TLK1: variants seen among roughly 807,000 people sequenced by gnomAD.
The protein encoded by TLK1 is tousled like kinase 1, also known as serine/threonine-protein kinase tousled-like 1.
Under a neutral mutation model 105.3 loss-of-function variants are expected in TLK1, and 24 were observed. That is an observed-to-expected ratio of 0.23 (90% CI 0.17 to 0.32). The LOEUF (loss-of-function observed/expected upper bound fraction) is 0.32. TLK1 is among the 10% of genes least tolerant of loss of function. TLK1 has a pLI of 1.00. For missense variants in TLK1, 558 were observed against 910.5 expected (o/e 0.61, Z 4.98); for synonymous variants, 321 against 310.4 (o/e 1.03, Z -0.36).
chr2:171,067,107 T>C (rs1688033074), intron 3 of TLK1: 2 of 840,198 alleles, frequency 2.4e-6, no homozygotes, highest in Non-Finnish European at 3.4e-6. Context: ...ATTATTTCTC[T>C]GGTATACATA....
chr2:171,121,151 T>C (rs1017831161), intron 1 of TLK1, among the ~76,000 whole-genome samples: 1 of 152,192 alleles, frequency 6.6e-6, no homozygotes, highest in African/African-American at 2.4e-5. Flanking sequence ...ATAGTGGTGA[T>C]GGTAGCACAG....
chr2:171,140,940 G>C (rs1293246461), intron 1 of TLK1, among the ~76,000 whole-genome samples: 1 of 152,040 alleles, frequency 6.6e-6, no homozygotes, highest in Non-Finnish European at 1.5e-5. Context: ...TGAAATTCTA[G>C]AACCAAAAAG....
intron 14 of TLK1, among the ~76,000 whole-genome samples, chr2:171,008,935 T>C (rs1559338820): frequency 1.3e-5 from 2 of 152,352 alleles, no homozygotes; most frequent in East Asian, 1.9e-4. Flanking sequence ...CAACAACTTT[T>C]AGGCCACGCT....
chr2:171,187,554 A>C (rs1158704138), intron 1 of TLK1, among the ~76,000 whole-genome samples: 1 of 152,206 alleles, frequency 6.6e-6, no homozygotes, highest in Non-Finnish European at 1.5e-5. Context: ...CCATGAGCTG[A>C]AGTGTTAGAC....
intron 4 of TLK1, among the ~76,000 whole-genome samples, chr2:171,059,711 C>A (rs1687655038): frequency 6.6e-6 from 1 of 152,136 alleles, no homozygotes; most frequent in Non-Finnish European, 1.5e-5. Context: ...GACAATTTAT[C>A]CACAGACTGC....
At chr2:171,119,303 C>G (rs1056655267) in intron 1 of TLK1, among the ~76,000 whole-genome samples, 1 of 152,082 alleles carries the variant, frequency 6.6e-6, no homozygotes, top group Non-Finnish European at 1.5e-5. Flanking sequence ...GAGGAAAAAC[C>G]AAAGCAAAAA....
chr2:171,109,121 C>T (rs1375925402), intron 2 of TLK1, among the ~76,000 whole-genome samples: 1 of 152,148 alleles, frequency 6.6e-6, no homozygotes, highest in Non-Finnish European at 1.5e-5. Context: ...TAATACATCT[C>T]TCTCAGAAAA....
intron 1 of TLK1, among the ~76,000 whole-genome samples, chr2:171,165,964 C>T (rs987931675): frequency 2.0e-5 from 3 of 151,956 alleles, no homozygotes; most frequent in Non-Finnish European, 4.4e-5. Context: ...TGAGTACTCC[C>T]ATACAGTGGG....
At chr2:170,998,235 C>T (rs1222426317) in intron 18 of TLK1, among the ~76,000 whole-genome samples, 4 of 152,200 alleles carry the variant, frequency 2.6e-5, no homozygotes, top group African/African-American at 9.6e-5. Context: ...AGGCACTTCT[C>T]TCCCTAAAAT....
At chr2:171,222,821 A>G (rs1008123563) in intron 1 of TLK1, among the ~76,000 whole-genome samples, 3 of 151,678 alleles carry the variant, frequency 2.0e-5, no homozygotes, top group Admixed American at 6.6e-5. Context: ...TTATTTATTT[A>G]TTTATTTATT....
At chr2:171,021,309 G>C (rs1685490267) in intron 12 of TLK1, among the ~76,000 whole-genome samples, 1 of 152,146 alleles carries the variant, frequency 6.6e-6, no homozygotes, top group Non-Finnish European at 1.5e-5. Context: ...TATTATAGGA[G>C]TGAAATTAAC....
chr2:171,116,642 G>C (rs528840257), intron 2 of TLK1, among the ~76,000 whole-genome samples: 22 of 151,454 alleles, frequency 1.5e-4, no homozygotes, highest in South Asian at 8.3e-4. Flanking sequence ...GGAGGTTGCA[G>C]TGAGCCAAGA....
At chr2:171,187,412 C>T (rs1178940419) in intron 1 of TLK1, among the ~76,000 whole-genome samples, 3 of 152,186 alleles carry the variant, frequency 2.0e-5, no homozygotes, top group Non-Finnish European at 4.4e-5. Context: ...AAACTATCTG[C>T]CTTCCAGTTT....
intron 2 of TLK1, among the ~76,000 whole-genome samples, chr2:171,086,486 C>A (rs566213412): frequency 6.6e-6 from 1 of 151,980 alleles, no homozygotes; most frequent in Admixed American, 6.6e-5. Context: ...AACAGCCAGG[C>A]GTCATGGCGC....
chr2:171,041,020 A>G (rs1409671715), intron 11 of TLK1, among the ~76,000 whole-genome samples: 1 of 152,238 alleles, frequency 6.6e-6, no homozygotes, highest in Non-Finnish European at 1.5e-5. Flanking sequence ...AGTCTAACAG[A>G]TACAACCAAA....
At chr2:171,048,818 C>T (rs1269321337) in intron 10 of TLK1, among the ~76,000 whole-genome samples, 1 of 152,168 alleles carries the variant, frequency 6.6e-6, no homozygotes, top group Non-Finnish European at 1.5e-5. Flanking sequence ...GCCTCTATTT[C>T]AAATAACTGG....
chr2:171,058,335 A>G, intron 4 of TLK1, 138 bp from the exon 5 acceptor site: 1 of 747,336 alleles, frequency 1.3e-6, no homozygotes, highest in Non-Finnish European at 2.2e-6. Context: ...GCCAATTTTT[A>G]AAAGTTCCAG....
chr2:171,114,210 A>T (rs1690307943), intron 2 of TLK1, among the ~76,000 whole-genome samples: 1 of 152,206 alleles, frequency 6.6e-6, no homozygotes, highest in Admixed American at 6.5e-5. Context: ...TCAAAGAAAA[A>T]AATGAAGAAT....
At chr2:171,045,884 C>G (rs1234406072) in intron 11 of TLK1, 1 of 282,832 alleles carries the variant, frequency 3.5e-6, no homozygotes, top group African/African-American at 2.2e-5. Flanking sequence ...TTAGAATAAT[C>G]CAAAACTTTT....
Sources: gnomAD v4.1 joint callset for allele counts (sites outside exome capture counted in the v4.1 genomes callset) on GRCh38, gnomAD v4.1.1 for gene constraint, MANE v1.5 for transcripts, NCBI Gene and HGNC (gene_info 2026-07-23, HGNC 2026-07-21) for gene names.